The following DNAH14 variants were observed in gnomAD, a reference collection of about 807,000 sequenced individuals.
DNAH14 encodes dynein axonemal heavy chain 14.
A neutral mutation model predicts 520.9 loss-of-function variants in DNAH14; 478 were observed. The observed-to-expected ratio is 0.92, with a 90% CI of 0.85 to 0.99. DNAH14 has a LOEUF of 0.99. DNAH14 is among the 50% of genes least tolerant of loss of function. DNAH14 has a pLI of 0.00. For synonymous variants in DNAH14, 1,581 were observed against 1,757.2 expected, an observed-to-expected ratio of 0.90 and a Z score of 2.51; for missense variants, 4,831 against 5,234.5, an observed-to-expected ratio of 0.92 and a Z score of 2.38.
chr1:225,113,203 C>T (rs909853331), intron 23 of DNAH14, among the ~76,000 whole-genome samples: 1 of 152,084 alleles, frequency 6.6e-6, no homozygotes, highest in African/African-American at 2.4e-5. Flanking sequence ...TAGGGAGTAC[C>T]CAAAGCTCAG....
chr1:224,952,766 A>C lies in DNAH14; in HGVS notation c.64A>C (p.Lys22Gln). 6.3e-7 allele frequency: 1 copy of C among 1,599,196 alleles called. No individual in the cohort carries two copies. Among genetic ancestry groups the C allele is most frequent in the South Asian group, 1.1e-5 (1 of 88,524 alleles). Residue 22 changes from lysine to glutamine, a missense_variant, in exon 2 of 86, where the codon AAG becomes CAG. Physicochemically the swap from Lys to Gln is moderately conservative, Grantham distance 53 (BLOSUM62 1). Transcript: ENST00000682510. ...ENQEMDKEET[K>Q]TKPRLLRYEE... ...TCAAGAGATGGACAAGGAGGAAACCAAGACAAAACCAAGGTAAAAGTAAGA... is the reference window on the plus strand; with the variant it reads ...TCAAGAGATGGACAAGGAGGAAACCCAGACAAAACCAAGGTAAAAGTAAGA...
At chr1:225,144,286 TTTG>T in intron 28 of DNAH14, 108 bp from the exon 29 acceptor site, 1 of 823,534 alleles carries the variant, frequency 1.2e-6, no homozygotes, top group Non-Finnish European at 1.9e-6. Flanking sequence ...TTAACTTCTA[TTTG>T]TTTTTTTAAT....
At chr1:224,959,585 C>T (rs1301287628) in intron 3 of DNAH14, among the ~76,000 whole-genome samples, 1 of 152,060 alleles carries the variant, frequency 6.6e-6, no homozygotes, top group Non-Finnish European at 1.5e-5. Context: ...TTTCCCCATT[C>T]TTCTATGTGT....
At chr1:224,935,688 A>T (rs1282752789) in intron 1 of DNAH14, among the ~76,000 whole-genome samples, 1 of 152,012 alleles carries the variant, frequency 6.6e-6, no homozygotes, top group South Asian at 2.1e-4. Context: ...GAAACATTAG[A>T]TTAGAACTGG....
At position 225,130,272 on chromosome 1, in the gene DNAH14, A is replaced by G. The variant is rs886548201; in HGVS notation, c.4254+6658A>G. Among the ~76,000 whole-genome samples, 7 of 152,150 alleles carry G rather than the reference A, an allele frequency of 4.6e-5. 1 individual carries two copies. The highest frequency in any genetic ancestry group is 8.8e-5 in the Non-Finnish European group (6 of 68,032). ...GGAAGTCAGTGTGGCAATTCCTCAG[A>G]GATCTCGAACTAGAAATACCATTTG... On this transcript the variant is annotated intron_variant, in intron 27 of 85. Coordinates refer to ENST00000682510, the MANE Select transcript of DNAH14 (RefSeq NM_001367479.1).
At chr1:225,327,181 G>A (rs567285277) in intron 64 of DNAH14, among the ~76,000 whole-genome samples, 1 of 150,344 alleles carries the variant, frequency 6.7e-6, no homozygotes, top group Non-Finnish European at 1.5e-5. Flanking sequence ...TTTTTGAGAC[G>A]GAGTCTTGCA....
chr1:224,969,575 T>A, intron 7 of DNAH14: 1 of 211,796 alleles, frequency 4.7e-6, no homozygotes. Context: ...ATCCTCATCA[T>A]TTTCACATTG....
intron 8 of DNAH14, among the ~76,000 whole-genome samples, chr1:224,988,024 A>T (rs1322989917): frequency 6.6e-6 from 1 of 152,044 alleles, no homozygotes; most frequent in African/African-American, 2.4e-5. Flanking sequence ...CCCAGCATGC[A>T]TTAGCTATTT....
At chr1:225,010,080 G>C (rs2929627) in intron 10 of DNAH14, among the ~76,000 whole-genome samples, 137,645 of 152,192 alleles carry the variant, frequency 0.9, 63,793 homozygotes, top group East Asian at 1. Context: ...ATTTGAATAC[G>C]TTTCTTTCTT....
At chr1:225,038,893 A>G in intron 12 of DNAH14, 70 bp downstream of exon 12, 7 of 1,313,396 alleles carry the variant, frequency 5.3e-6, no homozygotes, top group Non-Finnish European at 7.1e-6. Context: ...AAAATTTAAA[A>G]TGTGATTTAT....
chr1:225,234,165 G>A lies in DNAH14; in HGVS notation c.6518+3014G>A, dbSNP rs141620022. On this transcript the variant is annotated intron_variant, in intron 42 of 85. Coordinates refer to ENST00000682510, the MANE Select transcript of DNAH14 (RefSeq NM_001367479.1). ...GGTCTCTGTGTCTGTTTTTGTGCCAGTACCTTGTTGTTTTGGTTACTGTAG... is the reference window on the plus strand; with the variant it reads ...GGTCTCTGTGTCTGTTTTTGTGCCAATACCTTGTTGTTTTGGTTACTGTAG... Among the ~76,000 whole-genome samples the A allele has an allele frequency of 5.0e-3, 760 of 152,236 alleles. 6 individuals carry two copies. Among genetic ancestry groups the A allele is most frequent in the African/African-American group, 0.017 (717 of 41,534 alleles).
chr1:224,937,515 A>G (rs188888073), intron 1 of DNAH14, among the ~76,000 whole-genome samples: 29 of 152,110 alleles, frequency 1.9e-4, no homozygotes, highest in African/African-American at 6.3e-4. Context: ...AAAGTTCTAT[A>G]CAAGAAAACT....
rs1487497404 is a variant in DNAH14, at chr1:225,331,517, A to C, written c.9804A>C (p.Thr3268=). Residue 3268 remains threonine, a synonymous_variant, in exon 65 of 86, where the codon ACA becomes ACC. Transcript: ENST00000682510. The stretch of plus-strand genomic sequence containing the variant: ...AACAACTATTAGCAAATCGGAAAAC[A>C]ATGGCCAGCAGGCGCTTTCAGTGTG... ...AEKQLLANRK[T]MASRRFQCAS... The C allele has an allele frequency of 6.4e-7, 1 of 1,551,488 alleles. No individual in the cohort carries two copies. The highest frequency in any genetic ancestry group is 2.4e-5 in the East Asian group (1 of 40,908).
intron 35 of DNAH14, 93 bp from the exon 36 acceptor site, chr1:225,167,846 A>C: frequency 1.8e-5 from 11 of 605,752 alleles, no homozygotes; most frequent in Non-Finnish European, 2.7e-5. Context: ...AAAGAGCGGT[A>C]ATTGGTACCT....
At chr1:225,337,045 A>G (rs2095072078) in intron 66 of DNAH14, among the ~76,000 whole-genome samples, 1 of 152,134 alleles carries the variant, frequency 6.6e-6, no homozygotes, top group Admixed American at 6.6e-5. Context: ...TGGGCATCAT[A>G]ATGCCCTTAT....
intron 17 of DNAH14, 31 bp from the exon 18 acceptor site, chr1:225,079,176 T>A: frequency 6.7e-7 from 1 of 1,501,898 alleles, no homozygotes; most frequent in Non-Finnish European, 8.9e-7. Context: ...GAAAAGTCAT[T>A]ACACAATTAT....
intron 8 of DNAH14, among the ~76,000 whole-genome samples, chr1:224,986,506 A>G (rs771995287): frequency 1.4e-4 from 21 of 151,846 alleles, no homozygotes; most frequent in Non-Finnish European, 2.6e-4. Flanking sequence ...TATTTGCAAC[A>G]TTTGCATATT....
At chr1:225,135,716 T>C (rs548807192) in intron 27 of DNAH14, among the ~76,000 whole-genome samples, 2 of 152,152 alleles carry the variant, frequency 1.3e-5, no homozygotes, top group African/African-American at 2.4e-5. Flanking sequence ...TATCTTTGTT[T>C]ATTTTCTGTC....
At chr1:225,062,697 T>A (rs1378669873) in intron 17 of DNAH14, among the ~76,000 whole-genome samples, 1 of 152,130 alleles carries the variant, frequency 6.6e-6, no homozygotes, top group Non-Finnish European at 1.5e-5. Flanking sequence ...CTGCTCAGAG[T>A]GGAGGGTCTC....
Sources: allele counts gnomAD v4.1 joint callset (sites outside exome capture counted in the v4.1 genomes callset), GRCh38; gene constraint gnomAD v4.1.1; transcripts MANE v1.5; gene names NCBI Gene and HGNC (gene_info 2026-07-23, HGNC 2026-07-21).